PPP2R2C: variants seen among roughly 807,000 people sequenced by gnomAD.
PPP2R2C encodes the protein protein phosphatase 2 regulatory subunit Bgamma, also known as protein phosphatase 2, regulatory subunit B, gamma.
In PPP2R2C, 10 loss-of-function variants were observed where a neutral mutation model predicts 45.3. The ratio of observed to expected loss-of-function variants is 0.22; its 90% CI spans 0.14 to 0.37. PPP2R2C has a LOEUF of 0.37. PPP2R2C is among the 10% of genes least tolerant of loss of function. PPP2R2C has a pLI of 1.00. For missense variants in PPP2R2C, 308 were observed against 619.7 expected (o/e 0.50, Z 5.34); for synonymous variants, 257 against 245.4 (o/e 1.05, Z -0.44).
At chr4:6,393,414 C>T (rs1243653994) in intron 1 of PPP2R2C, among the ~76,000 whole-genome samples, 1 of 152,260 alleles carries the variant, frequency 6.6e-6, no homozygotes, top group Non-Finnish European at 1.5e-5. Flanking sequence ...TGTTGTGACA[C>T]AGATCAGTAC....
chr4:6,473,815 G>C (rs910005274), upstream of PPP2R2C, among the ~76,000 whole-genome samples: 3 of 152,212 alleles, frequency 2.0e-5, no homozygotes, highest in African/African-American at 7.2e-5. Flanking sequence ...TGGAGATTGA[G>C]AGGGAGTTTT....
chr4:6,431,753 C>A (rs1194324370), intron 1 of PPP2R2C, among the ~76,000 whole-genome samples: 1 of 152,206 alleles, frequency 6.6e-6, no homozygotes, highest in African/African-American at 2.4e-5. Flanking sequence ...CCCAACCCTG[C>A]CTCTGATACC....
chr4:6,376,053 G>A, intron 3 of PPP2R2C, 122 bp from the exon 4 acceptor site: 1 of 773,808 alleles, frequency 1.3e-6, no homozygotes, highest in African/African-American at 1.8e-5. Flanking sequence ...TCTGCCAACA[G>A]ACGGCTTTGG....
chr4:6,396,362 C>G (rs1560513607), intron 1 of PPP2R2C, among the ~76,000 whole-genome samples: 2 of 152,356 alleles, frequency 1.3e-5, no homozygotes, highest in East Asian at 1.9e-4. Flanking sequence ...ACACCCCTCT[C>G]AGCTGGGATC....
intron 1 of PPP2R2C, among the ~76,000 whole-genome samples, chr4:6,439,102 T>C (rs1720026775): frequency 6.6e-6 from 1 of 152,190 alleles, no homozygotes; most frequent in African/African-American, 2.4e-5. Flanking sequence ...ATGAAATATA[T>C]AGGATGTTTC....
intron 2 of PPP2R2C, among the ~76,000 whole-genome samples, chr4:6,500,147 AT>A (rs1723003458): frequency 6.6e-6 from 1 of 152,042 alleles, no homozygotes; most frequent in Admixed American, 6.6e-5. Flanking sequence ...AAGGTATTTT[AT>A]TTATTTATTT....
chr4:6,354,212 C>T (rs547667574), intron 5 of PPP2R2C, among the ~76,000 whole-genome samples: 6 of 151,850 alleles, frequency 4.0e-5, no homozygotes, highest in South Asian at 2.1e-4. Flanking sequence ...CACCACCCTG[C>T]GTGTTGGCCT....
At chr4:6,490,065 A>T (rs1197278315) in intron 2 of PPP2R2C, among the ~76,000 whole-genome samples, 1 of 152,210 alleles carries the variant, frequency 6.6e-6, no homozygotes, top group Non-Finnish European at 1.5e-5. Flanking sequence ...TCAATAATTC[A>T]CAGCACTTGC....
chr4:6,332,789 C>T lies in PPP2R2C; in HGVS notation c.960+773G>A, dbSNP rs534069091. ...GGCACCCCATGTGTGAGGAGTGACACGGTGAGGAACCGGCTGGGGTTTCTG... is the reference window on the plus strand; with the variant it reads ...GGCACCCCATGTGTGAGGAGTGACATGGTGAGGAACCGGCTGGGGTTTCTG... On this transcript the variant is annotated intron_variant, in intron 7 of 8. Transcript: ENST00000382599. This position sits in a 1 kb window ranked among gnomAD's most constrained non-coding sequence, Gnocchi z 4.9. Among the ~76,000 whole-genome samples the T allele has an allele frequency of 3.3e-5, 5 of 152,254 alleles. No individual in the cohort carries two copies. The East Asian group carries it at 7.7e-4, about 24-fold the overall frequency.
chr4:6,330,546 G>C lies in PPP2R2C; in HGVS notation c.961-1193C>G, dbSNP rs1410892200. ...TGATAGAACAAAGACAGACCTCCCT[G>C]AGGACCGGGGGATTCCGCTAACAGA... On this transcript the variant is annotated intron_variant, in intron 7 of 8. Coordinates refer to ENST00000382599, the MANE Select transcript of PPP2R2C (RefSeq NM_020416.4). The surrounding 1 kb of genome is among the most constrained non-coding windows in gnomAD (Gnocchi z 7.0). Among the ~76,000 whole-genome samples, 1 of 152,162 alleles carries C rather than the reference G, an allele frequency of 6.6e-6. No homozygotes were observed. The highest frequency in any genetic ancestry group is 1.5e-5 in the Non-Finnish European group (1 of 68,032).
chr4:6,333,746 A>T lies in PPP2R2C; in HGVS notation c.791-15T>A. On this transcript the variant is annotated splice_polypyrimidine_tract_variant and intron_variant, in intron 6 of 8. Coordinates refer to ENST00000382599, the MANE Select transcript of PPP2R2C (RefSeq NM_020416.4). ...CTCTTCAAAGACTGTGGAGACAGAGAAGCAATGGCCGTCACTGCGCTGCTC... is the reference window on the plus strand; with the variant it reads ...CTCTTCAAAGACTGTGGAGACAGAGTAGCAATGGCCGTCACTGCGCTGCTC... The T allele has an allele frequency of 6.2e-7, 1 of 1,613,876 alleles. No individual in the cohort carries two copies. Among genetic ancestry groups the T allele is most frequent in the South Asian group, 1.1e-5 (1 of 91,062 alleles).
At chr4:6,394,071 C>A (rs559794315) in intron 1 of PPP2R2C, among the ~76,000 whole-genome samples, 2 of 152,356 alleles carry the variant, frequency 1.3e-5, no homozygotes, top group African/African-American at 4.8e-5. Context: ...CCCCCAGTCA[C>A]CTGGGCTTCT....
intron 5 of PPP2R2C, among the ~76,000 whole-genome samples, chr4:6,353,050 CT>C: frequency 6.6e-6 from 1 of 152,064 alleles, no homozygotes; most frequent in East Asian, 1.9e-4. Flanking sequence ...GCCTCCTCCC[CT>C]AGAACCTTCA....
At chr4:6,489,706 T>C (rs1722635834) in intron 2 of PPP2R2C, among the ~76,000 whole-genome samples, 1 of 152,180 alleles carries the variant, frequency 6.6e-6, no homozygotes, top group Non-Finnish European at 1.5e-5. Context: ...GAGTCTCTAT[T>C]GCCCTTAACT....
At chr4:6,377,615 C>T (rs760475038) in intron 3 of PPP2R2C, among the ~76,000 whole-genome samples, 1 of 152,060 alleles carries the variant, frequency 6.6e-6, no homozygotes, top group African/African-American at 2.4e-5. Context: ...GCAGAGATCG[C>T]GCCACTCTAC....
At position 6,345,403 on chromosome 4, in the gene PPP2R2C, C is replaced by T. The variant is rs118008704; in HGVS notation, c.790+2443G>A. 1.2e-4 allele frequency among the ~76,000 whole-genome samples: 18 copies of T among 152,232 alleles called. No homozygotes were observed. The East Asian group carries it at 1.3e-3, about 11-fold the overall frequency. On this transcript the variant is annotated intron_variant, in intron 6 of 8. Coordinates refer to ENST00000382599, the MANE Select transcript of PPP2R2C (RefSeq NM_020416.4). This position sits in a 1 kb window ranked among gnomAD's most constrained non-coding sequence, Gnocchi z 5.3. The stretch of plus-strand genomic sequence containing the variant: ...GCACCTGTGACTATGTTATGCTACA[C>T]GGCAAAGTCAAAATAAGGCCAAAGA...
intron 5 of PPP2R2C, among the ~76,000 whole-genome samples, chr4:6,355,854 C>T (rs1264938762): frequency 2.0e-5 from 3 of 151,830 alleles, no homozygotes; most frequent in East Asian, 1.9e-4. Context: ...ATTAGCTGGG[C>T]GTGGTAGTGG....
chr4:6,350,754 A>C, intron 5 of PPP2R2C: 1 of 985,362 alleles, frequency 1.0e-6, no homozygotes, highest in Non-Finnish European at 1.2e-6. Flanking sequence ...CAAGTGAGGC[A>C]TGTCACCTCC....
At chr4:6,401,504 C>T (rs1463013069) in intron 1 of PPP2R2C, among the ~76,000 whole-genome samples, 1 of 151,972 alleles carries the variant, frequency 6.6e-6, no homozygotes, top group African/African-American at 2.4e-5. Flanking sequence ...TGCAGCTATT[C>T]AGCCTTCCAG....
Sources: gnomAD v4.1 joint callset for allele counts (sites outside exome capture counted in the v4.1 genomes callset) on GRCh38, gnomAD v4.1.1 for gene constraint, Gnocchi (gnomAD v3.1) non-coding constraint, MANE v1.5 for transcripts, NCBI Gene and HGNC (gene_info 2026-07-23, HGNC 2026-07-21) for gene names.